The following ARSJ variants were observed in gnomAD, a reference collection of about 807,000 sequenced individuals.
The protein encoded by ARSJ is arylsulfatase J.
Under a neutral mutation model 35.9 loss-of-function variants are expected in ARSJ, and 26 were observed. The observed-to-expected ratio is 0.72, with a 90% CI of 0.53 to 1.00. The LOEUF is 1.00. Among genes scored for constraint, ARSJ ranks in the 50% least tolerant of loss-of-function variants. ARSJ has a pLI of 0.00. For missense variants in ARSJ, 667 were observed against 723.6 expected, an observed-to-expected ratio of 0.92 and a Z score of 0.90; for synonymous variants, 294 against 267.6, an observed-to-expected ratio of 1.10 and a Z score of -0.96.
At position 113,924,132 on chromosome 4, in the gene ARSJ, TA is replaced by T. The variant is rs547356899; in HGVS notation, c.399-20458del. Among the ~76,000 whole-genome samples the T allele has an allele frequency of 2.7e-4, 39 of 143,226 alleles. No homozygotes were observed. In the South Asian group the frequency reaches 7.8e-3, roughly 29 times the overall value. 94.0% of individuals were successfully genotyped at this position (143,226 alleles called of 152,430 possible). A position where few individuals can be genotyped will look rare whatever the true frequency, so the allele number is the denominator to read the frequency against. On this transcript the variant is annotated intron_variant, in intron 1 of 1. Transcript: ENST00000315366. ...ATATATATATATATAAAGGGGAGTT[TA>T]TTAAGTATTAACTTACACAATCACA...
chr4:113,965,811 G>A (rs745783321), intron 1 of ARSJ, among the ~76,000 whole-genome samples: 3 of 151,792 alleles, frequency 2.0e-5, no homozygotes, highest in Admixed American at 6.6e-5. Context: ...GATTTCAAAC[G>A]TTTCAGTTTA....
At position 113,902,191 on chromosome 4, in the gene ARSJ, C is replaced by G; in HGVS notation, c.*83G>C. On this transcript the variant is annotated 3_prime_UTR_variant, in exon 2 of 2. Coordinates refer to ENST00000315366, the MANE Select transcript of ARSJ (RefSeq NM_024590.4). Reference sequence around the variant, plus strand: ...CTGACGCTTAGGCCAGCGATATTATCGAGCCAAATTTGCTGGTTTACCTAG... The same window carrying G: ...CTGACGCTTAGGCCAGCGATATTATGGAGCCAAATTTGCTGGTTTACCTAG... The G allele has an allele frequency of 6.3e-7, 1 of 1,599,316 alleles. No homozygotes were observed. Among genetic ancestry groups the G allele is most frequent in the Non-Finnish European group, 8.5e-7 (1 of 1,179,922 alleles).
At chr4:113,949,125 G>A (rs1725690305) in intron 1 of ARSJ, among the ~76,000 whole-genome samples, 2 of 151,764 alleles carry the variant, frequency 1.3e-5, no homozygotes, top group Admixed American at 6.6e-5. Context: ...TCACTCATAA[G>A]TGGGAGTTGA....
At chr4:113,947,005 T>C (rs1179390271) in intron 1 of ARSJ, among the ~76,000 whole-genome samples, 1 of 152,124 alleles carries the variant, frequency 6.6e-6, no homozygotes, top group East Asian at 1.9e-4. Flanking sequence ...TGAAGTGGTA[T>C]CCAATATATC....
intron 1 of ARSJ, 82 bp from the exon 2 acceptor site, chr4:113,903,757 A>G: frequency 6.8e-7 from 1 of 1,466,760 alleles, no homozygotes; most frequent in South Asian, 1.4e-5. Flanking sequence ...AAATTAAAAA[A>G]TGTTTCTATG....
chr4:113,931,970 A>G (rs1314973273), intron 1 of ARSJ, among the ~76,000 whole-genome samples: 1 of 152,098 alleles, frequency 6.6e-6, no homozygotes, highest in African/African-American at 2.4e-5. Flanking sequence ...CAAGACTTCA[A>G]CTATAATGAC....
At chr4:113,912,280 T>C (rs1231198917) in intron 1 of ARSJ, among the ~76,000 whole-genome samples, 2 of 152,226 alleles carry the variant, frequency 1.3e-5, no homozygotes, top group African/African-American at 2.4e-5. Context: ...GCTAGAGTAG[T>C]GGAGAAGAGT....
intron 1 of ARSJ, among the ~76,000 whole-genome samples, chr4:113,928,082 C>A (rs535336961): frequency 5.5e-4 from 84 of 152,238 alleles, no homozygotes; most frequent in African/African-American, 1.8e-3. Context: ...GTAAGTCAGA[C>A]CTGAGCTAAA....
intron 1 of ARSJ, among the ~76,000 whole-genome samples, chr4:113,956,360 G>A (rs1380141021): frequency 6.6e-6 from 1 of 152,072 alleles, no homozygotes; most frequent in Non-Finnish European, 1.5e-5. Flanking sequence ...AAGACTAGGA[G>A]AAGGGGTTCT....
intron 1 of ARSJ, among the ~76,000 whole-genome samples, chr4:113,968,495 T>C (rs551319771): frequency 1.3e-5 from 2 of 152,108 alleles, no homozygotes; most frequent in East Asian, 1.9e-4. Context: ...GGTGAGGAGA[T>C]GAGGGTGGTA....
chr4:113,962,188 C>T (rs1488590404), intron 1 of ARSJ, among the ~76,000 whole-genome samples: 1 of 152,004 alleles, frequency 6.6e-6, no homozygotes, highest in Non-Finnish European at 1.5e-5. Context: ...GCCAGACAAG[C>T]ATGCTTGCCC....
rs1594368914 is a variant in ARSJ, at chr4:113,902,130, C to G, written c.*144G>C. The G allele has an allele frequency of 1.3e-6, 2 of 1,595,690 alleles. No individual in the cohort carries two copies. The highest frequency in any genetic ancestry group is 4.5e-5 in the East Asian group (2 of 44,792). On this transcript the variant is annotated 3_prime_UTR_variant, in exon 2 of 2. Transcript: ENST00000315366. ...AGTTTTCAGTGTGGCGGCCAGGTGG[C>G]AGAAGTCTCTGGAGTGGCACAGCAT...
intron 1 of ARSJ, among the ~76,000 whole-genome samples, chr4:113,922,133 C>T (rs1723722399): frequency 6.6e-6 from 1 of 152,110 alleles, no homozygotes; most frequent in African/African-American, 2.4e-5. Flanking sequence ...AAGGAAATAT[C>T]TCTGTCTCTA....
intron 1 of ARSJ, among the ~76,000 whole-genome samples, chr4:113,946,012 T>C (rs1182324428): frequency 6.6e-6 from 1 of 151,916 alleles, no homozygotes; most frequent in East Asian, 1.9e-4. Flanking sequence ...TTTAAACATT[T>C]TTTTTTTCCT....
At chr4:113,907,451 A>G (rs2099669092) in intron 1 of ARSJ, among the ~76,000 whole-genome samples, 1 of 152,194 alleles carries the variant, frequency 6.6e-6, no homozygotes, top group Non-Finnish European at 1.5e-5. Flanking sequence ...ATAATGAAAA[A>G]TCAACTGTAT....
chr4:113,950,716 C>G (rs1220902034), intron 1 of ARSJ, among the ~76,000 whole-genome samples: 2 of 152,106 alleles, frequency 1.3e-5, no homozygotes, highest in Non-Finnish European at 2.9e-5. Context: ...GCCCCTTAAA[C>G]TTATGCTAAA....
intron 1 of ARSJ, among the ~76,000 whole-genome samples, chr4:113,948,188 TAAA>T (rs199969521): frequency 1.3e-5 from 2 of 151,466 alleles, no homozygotes; most frequent in South Asian, 4.2e-4. Context: ...GATTCTGTCT[TAAA>T]AAAAAATTAA....
At chr4:113,908,065 G>A (rs1285471472) in intron 1 of ARSJ, among the ~76,000 whole-genome samples, 1 of 152,040 alleles carries the variant, frequency 6.6e-6, no homozygotes, top group East Asian at 1.9e-4. Flanking sequence ...TAACAAAACT[G>A]CACGTAAACC....
chr4:113,912,578 A>G (rs1722989601), intron 1 of ARSJ, among the ~76,000 whole-genome samples: 1 of 152,154 alleles, frequency 6.6e-6, no homozygotes, highest in African/African-American at 2.4e-5. Flanking sequence ...GTAAAAGACC[A>G]TCTGGCTATG....
Sources: allele counts gnomAD v4.1 joint callset (sites outside exome capture counted in the v4.1 genomes callset), GRCh38; gene constraint gnomAD v4.1.1; transcripts MANE v1.5; gene names NCBI Gene and HGNC (gene_info 2026-07-23, HGNC 2026-07-21).